Variants in PVT1 observed in about 807,000 individuals in gnomAD.
PVT1 encodes Pvt1 oncogene, also known as CXCR4/PVT1 fusion.
intron 2 of PVT1, among the ~76,000 whole-genome samples, chr8:127,844,129 C>A (rs1343391118): frequency 6.6e-6 from 1 of 151,822 alleles, no homozygotes; most frequent in African/African-American, 2.4e-5. Context: ...ACTACAGGCG[C>A]CCACCACCAT....
intron 4 of PVT1, among the ~76,000 whole-genome samples, chr8:128,061,504 TGG>T (rs1813830236): frequency 6.6e-6 from 1 of 152,226 alleles, no homozygotes; most frequent in Non-Finnish European, 1.5e-5. Context: ...TCATTTGTCT[TGG>T]GCATGTGTAT....
At chr8:127,997,958 A>G (rs1204471319) in intron 4 of PVT1, among the ~76,000 whole-genome samples, 2 of 152,166 alleles carry the variant, frequency 1.3e-5, no homozygotes, top group East Asian at 1.9e-4. Context: ...CAGGTATTTC[A>G]TAGAACGTAC....
chr8:127,859,531 A>T (rs1263955374), intron 2 of PVT1, among the ~76,000 whole-genome samples: 1 of 152,114 alleles, frequency 6.6e-6, no homozygotes, highest in Non-Finnish European at 1.5e-5. Context: ...GTAACCTCAC[A>T]TAAGAAGCTA....
At chr8:128,020,226 T>C (rs1487020898) in intron 4 of PVT1, among the ~76,000 whole-genome samples, 1 of 152,208 alleles carries the variant, frequency 6.6e-6, no homozygotes, top group East Asian at 1.9e-4. Flanking sequence ...TAATCTCTGA[T>C]GTTATGCCTA....
intron 3 of PVT1, among the ~76,000 whole-genome samples, chr8:127,914,131 T>C (rs1815947609): frequency 6.6e-6 from 1 of 151,914 alleles, no homozygotes; most frequent in South Asian, 2.1e-4. Flanking sequence ...AGAAGTTATA[T>C]AAATGGCCAA....
chr8:127,917,894 G>A (rs6980523), intron 3 of PVT1, among the ~76,000 whole-genome samples: 4,348 of 152,360 alleles, frequency 0.029, 211 homozygotes, highest in African/African-American at 0.098. Flanking sequence ...AGGCAGCGCC[G>A]TGATTCTGAG....
intron 2 of PVT1, among the ~76,000 whole-genome samples, chr8:127,847,989 A>G (rs1402811653): frequency 6.6e-6 from 1 of 152,102 alleles, no homozygotes; most frequent in Non-Finnish European, 1.5e-5. Context: ...CTGCAACCTC[A>G]GACTATGAAG....
At chr8:128,041,215 TTG>T (rs1005457748) in intron 4 of PVT1, among the ~76,000 whole-genome samples, 12 of 26,814 alleles carry the variant, frequency 4.5e-4, no homozygotes, top group South Asian at 5.5e-3. Context: ...GCATGTGTGT[TTG>T]TGTGTGTGCA....
chr8:128,080,774 A>G (rs535973465), intron 5 of PVT1, among the ~76,000 whole-genome samples: 1 of 152,328 alleles, frequency 6.6e-6, no homozygotes, highest in African/African-American at 2.4e-5. Flanking sequence ...GTATCTAAAA[A>G]GTTATTGCCA....
chr8:128,031,536 A>G (rs759626578), intron 4 of PVT1, among the ~76,000 whole-genome samples: 1 of 152,196 alleles, frequency 6.6e-6, no homozygotes, highest in Non-Finnish European at 1.5e-5. Flanking sequence ...TTCACCTTGT[A>G]AAACTGACTG....
intron 2 of PVT1, among the ~76,000 whole-genome samples, chr8:127,868,577 A>T (rs914975183): frequency 3.3e-5 from 5 of 150,600 alleles, no homozygotes; most frequent in Non-Finnish European, 7.4e-5. Context: ...TTTAGTAGAG[A>T]TGGGTTTTCG....
intron 4 of PVT1, among the ~76,000 whole-genome samples, chr8:128,053,032 G>C (rs1813717366): frequency 6.6e-6 from 1 of 152,150 alleles, no homozygotes; most frequent in Non-Finnish European, 1.5e-5. Flanking sequence ...TCAGCAAATG[G>C]GTGGTGCATG....
intron 6 of PVT1, chr8:128,101,222 G>C (rs369622952): frequency 6.6e-6 from 1 of 152,178 alleles, no homozygotes; most frequent in African/African-American, 2.4e-5. Context: ...TGGCGTGGCC[G>C]GCCTCGTGTC....
intron 4 of PVT1, among the ~76,000 whole-genome samples, chr8:128,029,575 G>A (rs1813364049): frequency 6.6e-6 from 1 of 152,220 alleles, no homozygotes; most frequent in South Asian, 2.1e-4. Context: ...GCCGAGGCAG[G>A]TGGATCATGA....
intron 6 of PVT1, among the ~76,000 whole-genome samples, chr8:128,098,789 G>A (rs1382897316): frequency 6.6e-6 from 1 of 152,178 alleles, no homozygotes; most frequent in Non-Finnish European, 1.5e-5. Flanking sequence ...CTAAATTCCT[G>A]TTAGTGCACC....
At chr8:128,094,724 C>T (rs1471844760) in intron 5 of PVT1, among the ~76,000 whole-genome samples, 1 of 152,202 alleles carries the variant, frequency 6.6e-6, no homozygotes, top group Non-Finnish European at 1.5e-5. Context: ...TTCCCTTTCA[C>T]AGAGGGCTCT....
intron 4 of PVT1, chr8:128,048,590 A>G (rs1446088478): frequency 2.0e-5 from 3 of 152,246 alleles, no homozygotes; most frequent in Non-Finnish European, 4.4e-5. Context: ...AGAAGCTGGG[A>G]TCAGCTTCCC....
chr8:127,890,410 G>T (rs1375842859), intron 2 of PVT1, among the ~76,000 whole-genome samples: 1 of 152,238 alleles, frequency 6.6e-6, no homozygotes, highest in East Asian at 1.9e-4. Flanking sequence ...AGGAGAGGCA[G>T]CTCTCACCTG....
At chr8:128,045,375 T>C (rs1369493513) in intron 4 of PVT1, among the ~76,000 whole-genome samples, 1 of 152,370 alleles carries the variant, frequency 6.6e-6, no homozygotes, top group East Asian at 1.9e-4. Context: ...TAAAAATGCT[T>C]TGCCACAGCT....
Sources: allele counts gnomAD v4.1 joint callset (sites outside exome capture counted in the v4.1 genomes callset), GRCh38; gene constraint gnomAD v4.1.1; transcripts MANE v1.5; gene names NCBI Gene and HGNC (gene_info 2026-07-23, HGNC 2026-07-21).